Variants in RBMS1 observed in about 807,000 individuals in gnomAD.
RBMS1 encodes the protein RNA-binding motif, single-stranded-interacting protein 1.
In RBMS1, 17 loss-of-function variants were observed where a neutral mutation model predicts 62.3. That is an observed-to-expected ratio of 0.27 (90% CI 0.19 to 0.41). The LOEUF (loss-of-function observed/expected upper bound fraction) is 0.41. Among genes scored for constraint, RBMS1 ranks in the 10% least tolerant of loss-of-function variants. RBMS1 has a pLI of 1.00. For missense variants in RBMS1, 334 were observed against 504.5 expected, an observed-to-expected ratio of 0.66 and a Z score of 3.24; for synonymous variants, 172 against 170.0, an observed-to-expected ratio of 1.01 and a Z score of -0.09.
At chr2:160,449,303 G>C (rs900468218) in intron 1 of RBMS1, among the ~76,000 whole-genome samples, 1 of 152,060 alleles carries the variant, frequency 6.6e-6, no homozygotes, top group Non-Finnish European at 1.5e-5. Context: ...CCCTCTGCCC[G>C]GCCGCCACCC....
At chr2:160,332,366 G>A (rs905915421) in intron 2 of RBMS1, among the ~76,000 whole-genome samples, 5 of 151,958 alleles carry the variant, frequency 3.3e-5, no homozygotes, top group African/African-American at 7.3e-5. Context: ...GGACAAAAAC[G>A]TCCCAATACA....
intron 1 of RBMS1, among the ~76,000 whole-genome samples, chr2:160,491,002 T>C (rs1375656181): frequency 6.6e-6 from 1 of 152,092 alleles, no homozygotes; most frequent in East Asian, 1.9e-4. Context: ...ATTAACTCTT[T>C]AGGTAGATTA....
chr2:160,456,941 T>A (rs550982412), intron 1 of RBMS1, among the ~76,000 whole-genome samples: 12 of 128,314 alleles, frequency 9.4e-5, no homozygotes, highest in African/African-American at 3.2e-4. Context: ...GTGTGCCAAA[T>A]CAAACAAACA....
intron 1 of RBMS1, among the ~76,000 whole-genome samples, chr2:160,430,016 G>C (rs1337386980): frequency 1.3e-5 from 2 of 152,214 alleles, no homozygotes; most frequent in Non-Finnish European, 2.9e-5. Flanking sequence ...CATGGAAAGA[G>C]AGGCTGTACA....
At chr2:160,489,434 G>A (rs1272942664) in intron 1 of RBMS1, among the ~76,000 whole-genome samples, 1 of 152,092 alleles carries the variant, frequency 6.6e-6, no homozygotes, top group African/African-American at 2.4e-5. Context: ...TTCATTAGAT[G>A]CAACAGTTTT....
intron 2 of RBMS1, among the ~76,000 whole-genome samples, chr2:160,360,287 T>C (rs1693052743): frequency 6.6e-6 from 1 of 152,152 alleles, no homozygotes. Flanking sequence ...TTAATGCAAC[T>C]AGAGGCTTCC....
At chr2:160,336,176 G>T (rs1317652665) in intron 2 of RBMS1, among the ~76,000 whole-genome samples, 1 of 152,142 alleles carries the variant, frequency 6.6e-6, no homozygotes, top group Non-Finnish European at 1.5e-5. Context: ...ATACACATCT[G>T]GTAAGAGCAA....
At chr2:160,460,484 C>A (rs1052799763) in intron 1 of RBMS1, among the ~76,000 whole-genome samples, 31 of 152,230 alleles carry the variant, frequency 2.0e-4, no homozygotes, top group African/African-American at 6.8e-4. Flanking sequence ...CGTAAGGTCA[C>A]GCAGGACAAC....
intron 6 of RBMS1, among the ~76,000 whole-genome samples, chr2:160,288,345 A>G (rs1264741351): frequency 6.6e-6 from 1 of 152,184 alleles, no homozygotes; most frequent in Non-Finnish European, 1.5e-5. Context: ...ATCCTAATTC[A>G]TCTCTTATTT....
At chr2:160,291,638 C>G (rs1327134998) in intron 6 of RBMS1, among the ~76,000 whole-genome samples, 1 of 152,106 alleles carries the variant, frequency 6.6e-6, no homozygotes, top group Non-Finnish European at 1.5e-5. Flanking sequence ...CTCCCCTGTG[C>G]CTTAGGTAGT....
intron 1 of RBMS1, among the ~76,000 whole-genome samples, chr2:160,378,831 G>C (rs1251928494): frequency 6.6e-6 from 1 of 152,136 alleles, no homozygotes; most frequent in Non-Finnish European, 1.5e-5. Context: ...AGATTTGTAA[G>C]ATTGTTTTAT....
At chr2:160,388,546 G>C (rs1390647926) in intron 1 of RBMS1, among the ~76,000 whole-genome samples, 2 of 152,064 alleles carry the variant, frequency 1.3e-5, no homozygotes, top group Admixed American at 6.5e-5. Context: ...TCTAGCTCTG[G>C]GTCCGTGTCA....
At chr2:160,298,664 A>G (rs1469804376) in intron 6 of RBMS1, among the ~76,000 whole-genome samples, 3 of 152,332 alleles carry the variant, frequency 2.0e-5, no homozygotes, top group African/African-American at 7.2e-5. Flanking sequence ...AGACAGACAC[A>G]GGATAAAAAG....
chr2:160,328,188 T>C (rs1691057907), intron 2 of RBMS1, among the ~76,000 whole-genome samples: 1 of 152,166 alleles, frequency 6.6e-6, no homozygotes, highest in Non-Finnish European at 1.5e-5. Context: ...CTCACAGCAC[T>C]GTTATAAATG....
chr2:160,433,233 G>T (rs1015420692), intron 1 of RBMS1, among the ~76,000 whole-genome samples: 4 of 152,158 alleles, frequency 2.6e-5, no homozygotes, highest in East Asian at 1.9e-4. Flanking sequence ...GAGCAACATG[G>T]TGAAACCCTG....
At chr2:160,301,751 A>T (rs1689219113) in intron 5 of RBMS1, among the ~76,000 whole-genome samples, 1 of 152,252 alleles carries the variant, frequency 6.6e-6, no homozygotes, top group Non-Finnish European at 1.5e-5. Flanking sequence ...AGATGAACCA[A>T]GTACTAGCCC....
intron 6 of RBMS1, among the ~76,000 whole-genome samples, chr2:160,290,183 G>T (rs1345111549): frequency 2.0e-5 from 3 of 149,034 alleles, no homozygotes; most frequent in Non-Finnish European, 4.4e-5. Context: ...GTTACAGGTT[G>T]AAGAATCAGG....
intron 1 of RBMS1, among the ~76,000 whole-genome samples, chr2:160,453,943 C>G (rs1313300777): frequency 6.6e-6 from 1 of 152,190 alleles, no homozygotes; most frequent in Non-Finnish European, 1.5e-5. Context: ...ACAAAATTCA[C>G]TCCTCCTTCC....
At chr2:160,351,334 A>G in intron 2 of RBMS1, among the ~76,000 whole-genome samples, 1 of 147,692 alleles carries the variant, frequency 6.8e-6, no homozygotes, top group East Asian at 2.0e-4. Context: ...AATAAATAAT[A>G]AAAAAAAAAG....
Sources: gnomAD v4.1 joint callset for allele counts (sites outside exome capture counted in the v4.1 genomes callset) on GRCh38, gnomAD v4.1.1 for gene constraint, MANE v1.5 for transcripts, NCBI Gene and HGNC (gene_info 2026-07-23, HGNC 2026-07-21) for gene names.